PBRM1: variants seen among roughly 807,000 people sequenced by gnomAD.
PBRM1 encodes the protein polybromo 1.
A neutral mutation model predicts 194.5 loss-of-function variants in PBRM1; 27 were observed. That is an observed-to-expected ratio of 0.14 (90% CI 0.10 to 0.19). The LOEUF (loss-of-function observed/expected upper bound fraction) is 0.19. Ranked by LOEUF, PBRM1 falls within the 10% of genes least tolerant of loss-of-function variation. The pLI is 1.00. For missense variants in PBRM1, 1,466 were observed against 2,077.2 expected (o/e 0.71, Z 5.72); for synonymous variants, 655 against 693.2 (o/e 0.94, Z 0.87).
intron 22 of PBRM1, among the ~76,000 whole-genome samples, chr3:52,573,393 A>C: frequency 6.6e-6 from 1 of 152,066 alleles, no homozygotes; most frequent in East Asian, 1.9e-4. Context: ...TCTCGGGTTC[A>C]AACAATTCTC....
chr3:52,549,638 C>T (rs776244477), intron 29 of PBRM1, among the ~76,000 whole-genome samples: 1 of 152,192 alleles, frequency 6.6e-6, no homozygotes, highest in Non-Finnish European at 1.5e-5. Context: ...GGCGCTGTGA[C>T]TCATGCCTAT....
downstream of PBRM1, chr3:52,547,270 G>A (rs990400079): frequency 3.4e-5 from 8 of 232,936 alleles, no homozygotes; most frequent in Non-Finnish European, 5.9e-5. Flanking sequence ...ATACCTCAGG[G>A]TTGTGCACGT....
intron 19 of PBRM1, 60 bp from the exon 22 acceptor site, chr3:52,586,748 CAAAAAAAAAA>C (rs35352950): frequency 1.1e-5 from 2 of 183,906 alleles, no homozygotes; most frequent in Non-Finnish European, 1.9e-5. Flanking sequence ...GAAAATCAAT[CAAAAAAAAAA>C]AAAAAAAAAG....
intron 10 of PBRM1, among the ~76,000 whole-genome samples, chr3:52,638,994 G>GC (rs1474206208): frequency 1.7e-5 from 2 of 119,784 alleles, no homozygotes; most frequent in Non-Finnish European, 3.4e-5. Flanking sequence ...TTTGGGGGGG[G>GC]GGGGCGGGGG....
chr3:52,593,425 A>C (rs189143714), intron 17 of PBRM1, among the ~76,000 whole-genome samples: 67 of 152,222 alleles, frequency 4.4e-4, no homozygotes, highest in Non-Finnish European at 7.8e-4. Context: ...TTAGTAGAGA[A>C]GAGGTTTTGC....
intron 19 of PBRM1, 101 bp downstream of exon 21, chr3:52,587,251 TA>T: frequency 1.1e-6 from 1 of 911,184 alleles, no homozygotes; most frequent in Non-Finnish European, 1.7e-6. Flanking sequence ...AAAAATAGCT[TA>T]AAACAGAGTT....
chr3:52,660,714 T>C (rs973019097), intron 4 of PBRM1, among the ~76,000 whole-genome samples: 4 of 152,260 alleles, frequency 2.6e-5, no homozygotes, highest in East Asian at 1.9e-4. Context: ...GGTTTCACCA[T>C]GTTGGCCAGG....
exon 20 of PBRM1, chr3:52,586,518 G>A (rs1479122148): frequency 1.2e-6 from 2 of 1,613,780 alleles, no homozygotes; most frequent in East Asian, 2.2e-5. Flanking sequence ...CAAATACAGA[G>A]GCCACGCGAA....
intron 22 of PBRM1, 56 bp from the exon 25 acceptor site, chr3:52,564,289 A>C (rs895502828): frequency 1.6e-5 from 20 of 1,226,454 alleles, no homozygotes; most frequent in South Asian, 1.4e-4. Flanking sequence ...ATAGTTACTA[A>C]CTGTTTTAAC....
intron 4 of PBRM1, among the ~76,000 whole-genome samples, chr3:52,659,717 C>G (rs2096678441): frequency 6.6e-6 from 1 of 152,190 alleles, no homozygotes. Flanking sequence ...GCCACCGCAC[C>G]AGACCCAAGA....
chr3:52,682,092 A>G (rs1351138411), upstream of PBRM1: 2 of 152,276 alleles, frequency 1.3e-5, no homozygotes, highest in East Asian at 3.8e-4. Context: ...CTTTACTCAC[A>G]TTAGGAATGA....
upstream of PBRM1, chr3:52,681,640 G>C: frequency 1.2e-6 from 1 of 804,184 alleles, no homozygotes; most frequent in African/African-American, 1.9e-5. Context: ...AAGGTGGAAG[G>C]AAAAAGTCAA....
intron 5 of PBRM1, among the ~76,000 whole-genome samples, chr3:52,654,859 C>G (rs1265517256): frequency 6.6e-6 from 1 of 152,086 alleles, no homozygotes; most frequent in Non-Finnish European, 1.5e-5. Context: ...ATGATCACAG[C>G]TCACTGCGGC....
intron 5 of PBRM1, among the ~76,000 whole-genome samples, chr3:52,654,895 C>T (rs950146815): frequency 6.6e-6 from 1 of 151,962 alleles, no homozygotes; most frequent in African/African-American, 2.4e-5. Flanking sequence ...TCAAGTGATC[C>T]TCCAAACTCA....
chr3:52,602,128 A>T (rs2094041181), intron 17 of PBRM1, among the ~76,000 whole-genome samples: 1 of 152,172 alleles, frequency 6.6e-6, no homozygotes, highest in Admixed American at 6.5e-5. Flanking sequence ...TTTGATGATG[A>T]TGTATCTAAA....
chr3:52,587,218 T>C lies in PBRM1; in HGVS notation c.3123+135A>G, dbSNP rs577684609. The C allele has an allele frequency of 2.1e-3, 1,369 of 656,482 alleles. 30 individuals carry two copies. In the South Asian group the frequency reaches 0.026, roughly 12 times the overall value. The allele number at this position is 656,482 out of a possible 1,614,324, so 40.7% of individuals were successfully genotyped here. ...GTTAATTTCTTCCCAAATCTTTTCA[T>C]ATAGCTATATAGACACGGCTTAAAA... On this transcript the variant is annotated intron_variant, in intron 19 of 29. Transcript: ENST00000296302.
At chr3:52,580,579 G>A (rs1393622792) in intron 20 of PBRM1, among the ~76,000 whole-genome samples, 1 of 152,044 alleles carries the variant, frequency 6.6e-6, no homozygotes, top group African/African-American at 2.4e-5. Flanking sequence ...AGCCAGGATG[G>A]TCTTGATCTC....
chr3:52,605,290 C>T (rs910692963), intron 16 of PBRM1, among the ~76,000 whole-genome samples: 33 of 151,908 alleles, frequency 2.2e-4, no homozygotes, highest in African/African-American at 7.5e-4. Flanking sequence ...TCGAGTGATC[C>T]TCCCTCTTCA....
chr3:52,572,129 GAAA>G (rs10634292), intron 22 of PBRM1, among the ~76,000 whole-genome samples: 3 of 109,400 alleles, frequency 2.7e-5, no homozygotes, highest in Admixed American at 1.9e-4. Flanking sequence ...TAATATTTTT[GAAA>G]AAAAAAAAAA....
Sources: gnomAD v4.1 joint callset for allele counts (sites outside exome capture counted in the v4.1 genomes callset) on GRCh38, gnomAD v4.1.1 for gene constraint, MANE v1.5 for transcripts, NCBI Gene and HGNC (gene_info 2026-07-23, HGNC 2026-07-21) for gene names.